KCND2: variants seen among roughly 807,000 people sequenced by gnomAD.
KCND2 encodes the protein A-type voltage-gated potassium channel KCND2.
In KCND2, 16 loss-of-function variants were observed where a neutral mutation model predicts 54.4. The ratio of observed to expected loss-of-function variants is 0.29; its 90% CI spans 0.20 to 0.45. The LOEUF is 0.45. Among genes scored for constraint, KCND2 ranks in the 20% least tolerant of loss-of-function variants. The probability of loss-of-function intolerance (pLI) is 1.00; values close to 1 mark genes in which losing one functional copy is unlikely to be tolerated. For synonymous variants in KCND2, 317 were observed against 310.7 expected (o/e 1.02, Z -0.21); for missense variants, 486 against 824.2 (o/e 0.59, Z 5.02).
intron 1 of KCND2, among the ~76,000 whole-genome samples, chr7:120,471,455 A>G (rs1802453287): frequency 6.6e-6 from 1 of 152,156 alleles, no homozygotes; most frequent in African/African-American, 2.4e-5. Context: ...TCTCTAAAAT[A>G]GTACATGCAG....
chr7:120,654,554 G>A (rs1166549555), intron 1 of KCND2, among the ~76,000 whole-genome samples: 1 of 152,110 alleles, frequency 6.6e-6, no homozygotes, highest in East Asian at 1.9e-4. Context: ...AATAGTAAAA[G>A]GTTAAAAACC....
At chr7:120,580,400 C>G (rs1792500257) in intron 1 of KCND2, among the ~76,000 whole-genome samples, 1 of 152,130 alleles carries the variant, frequency 6.6e-6, no homozygotes, top group African/African-American at 2.4e-5. Flanking sequence ...CCTCTTTTCC[C>G]CACTTTCCTC....
intron 1 of KCND2, among the ~76,000 whole-genome samples, chr7:120,694,371 G>A (rs182532526): frequency 2.3e-4 from 35 of 152,224 alleles, no homozygotes; most frequent in East Asian, 1.9e-3. Flanking sequence ...ACTGTATAGC[G>A]TGGCACCTGG....
At chr7:120,587,770 G>A (rs534999153) in intron 1 of KCND2, among the ~76,000 whole-genome samples, 13 of 152,206 alleles carry the variant, frequency 8.5e-5, no homozygotes, top group African/African-American at 2.6e-4. Flanking sequence ...CATGTGGTGC[G>A]TGTTACAGCC....
At chr7:120,660,816 C>G (rs1397974938) in intron 1 of KCND2, among the ~76,000 whole-genome samples, 1 of 152,052 alleles carries the variant, frequency 6.6e-6, no homozygotes, top group Non-Finnish European at 1.5e-5. Flanking sequence ...CCCTCTAGCT[C>G]CAGCATTTAA....
chr7:120,468,220 T>C (rs1357604924), intron 1 of KCND2, among the ~76,000 whole-genome samples: 1 of 152,118 alleles, frequency 6.6e-6, no homozygotes, highest in Non-Finnish European at 1.5e-5. Flanking sequence ...GTTTTCCCGT[T>C]TAAATCCCTC....
chr7:120,327,990 A>C (rs1372882592), intron 1 of KCND2, among the ~76,000 whole-genome samples: 1 of 152,150 alleles, frequency 6.6e-6, no homozygotes, highest in East Asian at 1.9e-4. Context: ...CTCAGATCAC[A>C]ATGAGCACCT....
chr7:120,742,639 G>A, intron 4 of KCND2, 37 bp downstream of exon 4: 1 of 1,486,396 alleles, frequency 6.7e-7, no homozygotes, highest in Non-Finnish European at 9.4e-7. Flanking sequence ...CTTGCTCTCT[G>A]ACAGTAATTC....
intron 1 of KCND2, among the ~76,000 whole-genome samples, chr7:120,482,685 G>C (rs1205207354): frequency 6.6e-6 from 1 of 152,054 alleles, no homozygotes; most frequent in Non-Finnish European, 1.5e-5. Context: ...TTCCACCACA[G>C]GATGACCCTT....
intron 1 of KCND2, among the ~76,000 whole-genome samples, chr7:120,420,408 T>C (rs1421303779): frequency 6.6e-6 from 1 of 152,112 alleles, no homozygotes; most frequent in Non-Finnish European, 1.5e-5. Context: ...TCAACAATTA[T>C]TTGCAGAATT....
chr7:120,643,619 A>G (rs1375621692), intron 1 of KCND2, among the ~76,000 whole-genome samples: 10 of 152,064 alleles, frequency 6.6e-5, no homozygotes, highest in African/African-American at 2.4e-4. Context: ...GTCCTTTGAA[A>G]GATCAATCAT....
chr7:120,747,066 TAATC>T (rs1475722661), intron 5 of KCND2, among the ~76,000 whole-genome samples: 1 of 152,124 alleles, frequency 6.6e-6, no homozygotes, highest in Non-Finnish European at 1.5e-5. Flanking sequence ...GAAAATAAAA[TAATC>T]AGTTTCAAGC....
At chr7:120,516,756 T>C (rs1285775854) in intron 1 of KCND2, among the ~76,000 whole-genome samples, 1 of 152,150 alleles carries the variant, frequency 6.6e-6, no homozygotes, top group Non-Finnish European at 1.5e-5. Context: ...ATTGAATATC[T>C]ACATATATGA....
At chr7:120,701,459 C>G (rs1240254790) in intron 1 of KCND2, among the ~76,000 whole-genome samples, 1 of 151,998 alleles carries the variant, frequency 6.6e-6, no homozygotes, top group Admixed American at 6.6e-5. Flanking sequence ...TGCTCATATT[C>G]AAAAGGAGGC....
intron 1 of KCND2, among the ~76,000 whole-genome samples, chr7:120,669,323 A>G (rs1043031476): frequency 1.3e-5 from 2 of 152,126 alleles, no homozygotes; most frequent in African/African-American, 4.8e-5. Flanking sequence ...GCAAACAGGA[A>G]TATAGAGCTT....
chr7:120,676,992 T>C (rs988879213), intron 1 of KCND2, among the ~76,000 whole-genome samples: 7 of 131,284 alleles, frequency 5.3e-5, no homozygotes, highest in African/African-American at 2.3e-4. Context: ...TGAATTTGAG[T>C]TCTGATTAAA....
intron 1 of KCND2, among the ~76,000 whole-genome samples, chr7:120,424,515 A>G (rs931286803): frequency 9.9e-5 from 15 of 152,238 alleles, no homozygotes; most frequent in Admixed American, 5.2e-4. Flanking sequence ...TTTTGGTCAC[A>G]TTCACTTCTG....
intron 1 of KCND2, among the ~76,000 whole-genome samples, chr7:120,360,219 T>C (rs914811551): frequency 6.6e-6 from 1 of 152,230 alleles, no homozygotes; most frequent in South Asian, 2.1e-4. Context: ...TTTACTGAAC[T>C]TTATTATCAC....
At chr7:120,485,968 C>T (rs1802687738) in intron 1 of KCND2, among the ~76,000 whole-genome samples, 1 of 152,124 alleles carries the variant, frequency 6.6e-6, no homozygotes, top group South Asian at 2.1e-4. Flanking sequence ...AATTCACTCA[C>T]CCAAGAGTTA....
Sources: gnomAD v4.1 joint callset for allele counts (sites outside exome capture counted in the v4.1 genomes callset) on GRCh38, gnomAD v4.1.1 for gene constraint, MANE v1.5 for transcripts, NCBI Gene and HGNC (gene_info 2026-07-23, HGNC 2026-07-21) for gene names.